The following RNF168 variants were observed in gnomAD, a reference collection of about 807,000 sequenced individuals.
RNF168 encodes E3 ubiquitin-protein ligase RNF168.
A neutral mutation model predicts 34.9 loss-of-function variants in RNF168; 34 were observed. The ratio of observed to expected loss-of-function variants is 0.97; its 90% CI spans 0.74 to 1.30. The LOEUF (loss-of-function observed/expected upper bound fraction) is 1.30. RNF168 is among the 50% of genes most tolerant of loss of function. The pLI is 0.00. For missense variants in RNF168, 725 were observed against 682.5 expected (o/e 1.06, Z -0.69); for synonymous variants, 264 against 254.7 (o/e 1.04, Z -0.35).
rs752668122 is a variant in RNF168 at position 196,472,108 on chromosome 3, A to C, written c.1427T>G (p.Leu476Ter). ...GTCTGGAGGGGAGGATGTAGCGCGT[A>C]AGTGATACTCATCTGGGGATCCTTT... ...RQKGSPDEYH[L>*]RATSSPPDKV... The change falls in exon 6 of 6, where the codon TTA becomes TGA. Residue 476 changes from leucine (L) to a stop codon, truncating the protein, a stop_gained. Transcript: ENST00000318037. LOFTEE classifies it high-confidence loss of function. The C allele has an allele frequency of 6.2e-6, 10 of 1,613,920 alleles. No individual in the cohort carries two copies. The highest frequency in any genetic ancestry group is 8.5e-6 in the Non-Finnish European group (10 of 1,179,942).
In RNF168 at chr3:196,502,972, T is replaced by C; in HGVS notation, c.202A>G (p.Arg68Gly). ...VSSWTRYHTRRNSLVNVELWT... is the reference protein window; with the variant it reads ...VSSWTRYHTRGNSLVNVELWT... ...AGTTCCACGTTGACGAGAGAATTTC[T>C]TCGGGTATGGTACCGAGTCCACGAC... is the stretch of plus-strand genomic sequence containing the variant. Residue 68 changes from arginine (R) to glycine (G), a missense_variant, in exon 1 of 6, where the codon AGA becomes GGA. By Grantham distance (125) the Arg-to-Gly change is moderately radical (BLOSUM62 -2). Transcript: ENST00000318037. 1.9e-6 allele frequency: 3 copies of C among 1,614,074 alleles called. No homozygotes were observed. In the South Asian group the frequency reaches 3.3e-5, roughly 18 times the overall value.
At chr3:196,473,334 G>A (rs1246211799) in intron 5 of RNF168, among the ~76,000 whole-genome samples, 1 of 152,060 alleles carries the variant, frequency 6.6e-6, no homozygotes, top group Non-Finnish European at 1.5e-5. Context: ...TTTACAAAAG[G>A]AACAATTTAT....
At chr3:196,491,625 G>A (rs1192376944) in intron 1 of RNF168, among the ~76,000 whole-genome samples, 3 of 152,128 alleles carry the variant, frequency 2.0e-5, no homozygotes, top group Admixed American at 6.5e-5. Context: ...CAGCCTGGGC[G>A]ACAGAGGGAG....
At chr3:196,474,481 C>CT (rs1732092892) in intron 5 of RNF168, among the ~76,000 whole-genome samples, 1 of 135,800 alleles carries the variant, frequency 7.4e-6, no homozygotes, top group Non-Finnish European at 1.6e-5. Flanking sequence ...GAGTTTCACT[C>CT]TTGTTGTCCA....
chr3:196,501,943 G>T (rs1221125285), intron 1 of RNF168, among the ~76,000 whole-genome samples: 1 of 147,146 alleles, frequency 6.8e-6, no homozygotes, highest in African/African-American at 2.5e-5. Context: ...TTTGAATAAA[G>T]CTTTTTCTTT....
In RNF168 at chr3:196,471,428, G is replaced by A. The variant is rs1287290009; in HGVS notation, c.*391C>T. ...GAAAATGGATTTTAAACCCTGCATG[G>A]GTTCCTTAATCACTCAGAATAGTAT... On this transcript the variant is annotated 3_prime_UTR_variant, in exon 6 of 6. Transcript: ENST00000318037. 5.6e-6 allele frequency: 1 copy of A among 179,714 alleles called. No individual in the cohort carries two copies. The highest frequency in any genetic ancestry group is 1.2e-5 in the Non-Finnish European group (1 of 84,856). 11.1% of individuals were successfully genotyped at this position (179,714 alleles called of 1,614,324 possible).
intron 1 of RNF168, among the ~76,000 whole-genome samples, chr3:196,495,891 G>C (rs1732730460): frequency 6.6e-6 from 1 of 152,100 alleles, no homozygotes; most frequent in Admixed American, 6.6e-5. Flanking sequence ...ATTCTTTTTT[G>C]AGAAATCCAA....
intron 4 of RNF168, among the ~76,000 whole-genome samples, chr3:196,483,516 TG>T (rs1732344567): frequency 6.6e-6 from 1 of 152,210 alleles, no homozygotes; most frequent in Non-Finnish European, 1.5e-5. Context: ...AGGAATCCAA[TG>T]GTTCACTTTG....
intron 4 of RNF168, among the ~76,000 whole-genome samples, 182 bp downstream of exon 4, chr3:196,483,588 G>A (rs915514763): frequency 6.6e-6 from 1 of 152,232 alleles, no homozygotes; most frequent in African/African-American, 2.4e-5. Context: ...GTAAGTGGCT[G>A]AGTGAGAAGC....
intron 1 of RNF168, among the ~76,000 whole-genome samples, chr3:196,500,918 A>G (rs1048948632): frequency 2.0e-5 from 3 of 151,938 alleles, no homozygotes; most frequent in Non-Finnish European, 4.4e-5. Flanking sequence ...TCACCGTGTT[A>G]GCCAGGATGG....
chr3:196,503,069 C>T lies in RNF168; in HGVS notation c.105G>A (p.Leu35=). 6.2e-7 allele frequency: 1 copy of T among 1,614,156 alleles called. No individual in the cohort carries two copies. Among genetic ancestry groups the T allele is most frequent in the Non-Finnish European group, 8.5e-7 (1 of 1,180,026 alleles). ...EPVTLPCNHT[L]CKPCFQSTVE... ...CGGTCGACTGGAAGCACGGTTTACACAGCGTGTGGTTACACGGGAGGGTGA... is the reference window on the plus strand; with the variant it reads ...CGGTCGACTGGAAGCACGGTTTACATAGCGTGTGGTTACACGGGAGGGTGA... The change falls in exon 1 of 6, where the codon CTG becomes CTA. Residue 35 remains leucine (L), a synonymous_variant. Coordinates refer to ENST00000318037, the MANE Select transcript of RNF168 (RefSeq NM_152617.4).
chr3:196,483,988 T>C, intron 3 of RNF168, 97 bp from the exon 4 acceptor site: 1 of 928,432 alleles, frequency 1.1e-6, no homozygotes, highest in Non-Finnish European at 1.8e-6. Context: ...ATAGCATTTT[T>C]CAGAAATTAT....
At chr3:196,494,480 A>G (rs1171844672) in intron 1 of RNF168, among the ~76,000 whole-genome samples, 1 of 152,270 alleles carries the variant, frequency 6.6e-6, no homozygotes, top group Non-Finnish European at 1.5e-5. Flanking sequence ...ATAAAAATAA[A>G]TAATAAGCCT....
intron 3 of RNF168, among the ~76,000 whole-genome samples, chr3:196,484,473 CTTTTTTTTT>C (rs377178675): frequency 0.02 from 1,986 of 97,410 alleles, 90 homozygotes; most frequent in African/African-American, 0.08. Context: ...CGCGCCCGGC[CTTTTTTTTT>C]TTTTTTTTTT....
Position 196,471,068 on chromosome 3 carries a change from T to C in RNF168, c.*751A>G, listed in dbSNP as rs1731987378. ...CTGGGTAGCTGGGTGTAGTGGCACA[T>C]GCCTATGATCCCAGCTACTCGGGAG... On this transcript the variant is annotated 3_prime_UTR_variant, in exon 6 of 6. Transcript: ENST00000318037. The C allele has an allele frequency of 6.6e-6, 1 of 150,908 alleles. No individual in the cohort carries two copies. Among genetic ancestry groups the C allele is most frequent in the South Asian group, 2.1e-4 (1 of 4,762 alleles). 9.3% of individuals were successfully genotyped at this position (150,908 alleles called of 1,614,324 possible).
Position 196,476,413 on chromosome 3 carries a change from CTCT to C in RNF168, c.681-1104_681-1102del, listed in dbSNP as rs1167645643. On this transcript the variant is annotated intron_variant, in intron 4 of 5. Coordinates refer to ENST00000318037, the MANE Select transcript of RNF168 (RefSeq NM_152617.4). ...TATCATACATACTTTTATATCAACTCTCTTCTTTTTTTTTTTTTTCTGAGACGG... is the reference window on the plus strand; with the variant it reads ...TATCATACATACTTTTATATCAACTCTCTTTTTTTTTTTTTTCTGAGACGG... Among the ~76,000 whole-genome samples, 12 of 131,870 alleles carry C rather than the reference CTCT, an allele frequency of 9.1e-5. No homozygotes were observed. The East Asian group carries it at 9.8e-4, about 11-fold the overall frequency. 86.5% of individuals were successfully genotyped at this position (131,870 alleles called of 152,430 possible).
intron 4 of RNF168, among the ~76,000 whole-genome samples, chr3:196,482,281 T>G (rs1732313858): frequency 6.6e-6 from 1 of 152,240 alleles, no homozygotes; most frequent in African/African-American, 2.4e-5. Flanking sequence ...TTATTCATTT[T>G]TAAACTTTTG....
chr3:196,485,359 T>C (rs1006307443), intron 3 of RNF168, among the ~76,000 whole-genome samples: 4 of 151,938 alleles, frequency 2.6e-5, no homozygotes, highest in Non-Finnish European at 5.9e-5. Flanking sequence ...AATACAAAAA[T>C]TAACAGGATG....
At chr3:196,481,882 C>T (rs139829132) in intron 4 of RNF168, among the ~76,000 whole-genome samples, 45 of 151,026 alleles carry the variant, frequency 3.0e-4, no homozygotes, top group African/African-American at 1.1e-3. Flanking sequence ...TTGAACTCCT[C>T]CTGGCCTCAA....
Sources: allele counts gnomAD v4.1 joint callset (sites outside exome capture counted in the v4.1 genomes callset), GRCh38; gene constraint gnomAD v4.1.1; transcripts MANE v1.5; gene names NCBI Gene and HGNC (gene_info 2026-07-23, HGNC 2026-07-21).